RNF122: variants seen among roughly 807,000 people sequenced by gnomAD.
The protein encoded by RNF122 is ring finger protein 122.
A neutral mutation model predicts 24.2 loss-of-function variants in RNF122; 17 were observed. That is an observed-to-expected ratio of 0.70 (90% CI 0.48 to 1.06). The LOEUF (loss-of-function observed/expected upper bound fraction) is 1.06, where lower values mean the gene tolerates loss of function less well. Among genes scored for constraint, RNF122 ranks in the 50% least tolerant of loss-of-function variants. The pLI, the probability that RNF122 is intolerant of heterozygous loss-of-function variation, is 0.00. For synonymous variants in RNF122, 65 were observed against 71.8 expected (o/e 0.91, Z 0.48); for missense variants, 168 against 198.1 (o/e 0.85, Z 0.91).
At chr8:33,549,894 A>C (rs1197070292) in intron 4 of RNF122, among the ~76,000 whole-genome samples, 1 of 150,590 alleles carries the variant, frequency 6.6e-6, no homozygotes, top group Admixed American at 6.6e-5. Flanking sequence ...CTTAATACCA[A>C]CTAGAGGTAG....
intron 1 of RNF122, among the ~76,000 whole-genome samples, chr8:33,559,032 G>C (rs1411992288): frequency 6.6e-6 from 1 of 152,120 alleles, no homozygotes; most frequent in Non-Finnish European, 1.5e-5. Context: ...AGCTGGGTGT[G>C]GTGGCTCATG....
intron 2 of RNF122, among the ~76,000 whole-genome samples, chr8:33,554,672 A>G (rs1182276614): frequency 6.6e-6 from 1 of 152,370 alleles, no homozygotes; most frequent in Admixed American, 6.5e-5. Context: ...TTGGGTGAAC[A>G]CAGCAACTAA....
intron 1 of RNF122, among the ~76,000 whole-genome samples, chr8:33,565,096 A>C (rs1442084182): frequency 6.6e-6 from 1 of 151,868 alleles, no homozygotes; most frequent in Non-Finnish European, 1.5e-5. Flanking sequence ...CTGGCCAAGA[A>C]AGACCAGGGG....
At chr8:33,563,410 G>T (rs1488029196) in intron 1 of RNF122, among the ~76,000 whole-genome samples, 2 of 152,220 alleles carry the variant, frequency 1.3e-5, no homozygotes, top group Non-Finnish European at 1.5e-5. Context: ...CCTACACATT[G>T]TGGGAAAACA....
At chr8:33,556,021 A>T (rs1277554231) in intron 2 of RNF122, among the ~76,000 whole-genome samples, 1 of 151,808 alleles carries the variant, frequency 6.6e-6, no homozygotes, top group Non-Finnish European at 1.5e-5. Flanking sequence ...TATAAAAATT[A>T]TCCACAAAAA....
At chr8:33,558,521 A>C in intron 2 of RNF122, 94 bp downstream of exon 2, 1 of 1,053,018 alleles carries the variant, frequency 9.5e-7, no homozygotes, top group Non-Finnish European at 1.3e-6. Flanking sequence ...AAGACTGGTG[A>C]CTCTGCTGTG....
chr8:33,554,388 A>G (rs1174405152), intron 2 of RNF122, among the ~76,000 whole-genome samples: 1 of 152,150 alleles, frequency 6.6e-6, no homozygotes, highest in Admixed American at 6.6e-5. Context: ...TCTGTACCCC[A>G]GGCACCTAGA....
chr8:33,553,070 C>CA (rs34104851), intron 2 of RNF122, among the ~76,000 whole-genome samples: 59,160 of 103,292 alleles, frequency 0.57, 15,534 homozygotes, highest in Middle Eastern at 0.63. Flanking sequence ...GACCCTGTCT[C>CA]AAAAAAAAAA....
At chr8:33,549,221 C>CAAAAAAAAAA (rs377477701) in intron 5 of RNF122, among the ~76,000 whole-genome samples, 189 bp downstream of exon 5, 3 of 141,772 alleles carry the variant, frequency 2.1e-5, no homozygotes, top group South Asian at 2.2e-4. Flanking sequence ...AACTCCAACT[C>CAAAAAAAAAA]AAAAAAAAAA....
chr8:33,551,248 G>A, intron 3 of RNF122, 96 bp downstream of exon 3: 2 of 1,511,354 alleles, frequency 1.3e-6, no homozygotes, highest in South Asian at 1.1e-5. Flanking sequence ...GAGGCCAGGG[G>A]GATTCCTGCC....
rs567684662 is a variant in RNF122 at position 33,550,134 on chromosome 8, T to C, written c.271-642A>G. 6.6e-5 allele frequency among the ~76,000 whole-genome samples: 10 copies of C among 152,232 alleles called. No homozygotes were observed. The East Asian group carries it at 9.6e-4, about 15-fold the overall frequency. ...TTTTTGTATAGATGGGGTTTCACCATGTTGGTCAGGCTGGTCTCGAACTCC... is the reference window on the plus strand; with the variant it reads ...TTTTTGTATAGATGGGGTTTCACCACGTTGGTCAGGCTGGTCTCGAACTCC... On this transcript the variant is annotated intron_variant, in intron 4 of 5. Transcript: ENST00000256257.
intron 2 of RNF122, among the ~76,000 whole-genome samples, chr8:33,552,449 GA>G (rs1810391173): frequency 6.6e-6 from 1 of 152,090 alleles, no homozygotes; most frequent in Non-Finnish European, 1.5e-5. Flanking sequence ...CCAAAGAAGT[GA>G]ATTTATTTGC....
chr8:33,566,099 C>T (rs1810618451), intron 1 of RNF122, among the ~76,000 whole-genome samples: 1 of 152,102 alleles, frequency 6.6e-6, no homozygotes. Context: ...GTGATCCGCC[C>T]GCCTCGGCCT....
chr8:33,550,939 A>T (rs1810364537), intron 4 of RNF122, 105 bp downstream of exon 4: 2 of 1,041,816 alleles, frequency 1.9e-6, no homozygotes, highest in South Asian at 2.5e-5. Context: ...ATATGAAGGC[A>T]TGGACTAAGC....
At chr8:33,550,318 C>T (rs1473440741) in intron 4 of RNF122, among the ~76,000 whole-genome samples, 1 of 152,154 alleles carries the variant, frequency 6.6e-6, no homozygotes, top group African/African-American at 2.4e-5. Context: ...GAGAGAAAGG[C>T]TTGGGAAACA....
chr8:33,566,665 C>G, intron 1 of RNF122, 34 bp downstream of exon 1: 1 of 1,589,942 alleles, frequency 6.3e-7, no homozygotes, highest in Non-Finnish European at 8.6e-7. Flanking sequence ...CCCACCAGCC[C>G]CACGTAGGCT....
At chr8:33,551,192 G>A (rs1027113242) in intron 3 of RNF122, 107 bp from the exon 4 acceptor site, 16 of 1,480,194 alleles carry the variant, frequency 1.1e-5, no homozygotes, top group South Asian at 7.9e-5. Context: ...GGGGCAAGCC[G>A]GACTTCAGAC....
chr8:33,551,365 A>G lies in RNF122; in HGVS notation c.207T>C (p.Ser69=). 1 of 1,614,012 alleles carries G rather than the reference A, an allele frequency of 6.2e-7. No homozygotes were observed. The highest frequency in any genetic ancestry group is 1.3e-5 in the African/African-American group (1 of 75,012). Residue 69 remains serine, a synonymous_variant, in exon 3 of 6, where the codon AGT becomes AGC. Coordinates refer to ENST00000256257, the MANE Select transcript of RNF122 (RefSeq NM_024787.3). ...FISKLRNQAQ[S]ERYGYKEVVL... ...TTACCTCCTTATATCCGTATCGCTC[A>G]CTCTGTGCCTGGTTCCGCAGTTTGC... is the stretch of plus-strand genomic sequence containing the variant.
intron 2 of RNF122, 110 bp downstream of exon 2, chr8:33,558,505 C>T (rs1373746378): frequency 2.5e-6 from 2 of 809,690 alleles, no homozygotes; most frequent in Non-Finnish European, 3.6e-6. Flanking sequence ...GTGGTGGCTC[C>T]AGTATAAGAC....
Sources: gnomAD v4.1 joint callset for allele counts (sites outside exome capture counted in the v4.1 genomes callset) on GRCh38, gnomAD v4.1.1 for gene constraint, MANE v1.5 for transcripts, NCBI Gene and HGNC (gene_info 2026-07-23, HGNC 2026-07-21) for gene names.